KIF21B: variants seen among roughly 807,000 people sequenced by gnomAD.
The protein encoded by KIF21B is kinesin-like protein KIF21B.
Under a neutral mutation model 192.9 loss-of-function variants are expected in KIF21B, and 85 were observed. The observed-to-expected ratio is 0.44, with a 90% CI of 0.37 to 0.53. The LOEUF is 0.53. Ranked by LOEUF, KIF21B falls within the 20% of genes least tolerant of loss-of-function variation. The pLI is 0.00. For synonymous variants in KIF21B, 832 were observed against 884.6 expected, an observed-to-expected ratio of 0.94 and a Z score of 1.05; for missense variants, 1,716 against 2,194.8, an observed-to-expected ratio of 0.78 and a Z score of 4.36.
chr1:201,002,122 C>G lies in KIF21B; in HGVS notation c.1402+39G>C, dbSNP rs751067477. The G allele has an allele frequency of 5.2e-5, 83 of 1,593,532 alleles. 1 individual carries two copies. Among genetic ancestry groups the G allele is most frequent in the Admixed American group, 2.3e-4 (14 of 59,844 alleles). On this transcript the variant is annotated intron_variant, in intron 9 of 34. Coordinates refer to ENST00000461742, the MANE Select transcript of KIF21B (RefSeq NM_001252102.2). The stretch of plus-strand genomic sequence containing the variant: ...GATGTCGGGGGAGGGAGTCCTAGCC[C>G]GTTGGTGCTCTGACCTGGCCTGGCA...
intron 2 of KIF21B, 127 bp downstream of exon 2, chr1:201,009,139 G>T: frequency 8.9e-7 from 1 of 1,127,830 alleles, no homozygotes; most frequent in Non-Finnish European, 1.3e-6. Context: ...CGGTGCAACG[G>T]CCTCCTTAGA....
chr1:201,006,130 G>A (rs1026972015), intron 3 of KIF21B, among the ~76,000 whole-genome samples: 1 of 152,252 alleles, frequency 6.6e-6, no homozygotes, highest in Non-Finnish European at 1.5e-5. Context: ...CTGTGCCCTA[G>A]CCCTGACTGT....
intron 15 of KIF21B, among the ~76,000 whole-genome samples, chr1:200,994,473 G>A (rs1201310590): frequency 1.3e-5 from 2 of 152,214 alleles, no homozygotes; most frequent in Non-Finnish European, 2.9e-5. Context: ...GTTCCTCTCT[G>A]CTTCTAGCTC....
chr1:200,975,292 G>C lies in KIF21B; in HGVS notation c.4614+207C>G, dbSNP rs1655467698. On this transcript the variant is annotated intron_variant, in intron 33 of 34. Transcript: ENST00000461742. This position sits in a 1 kb window ranked among gnomAD's most constrained non-coding sequence, Gnocchi z 4.3. ...TGCTGAGAGCAGGTTGCCTAAGAGG[G>C]AGATGTGGCATCAGGAGAGGCCGCG... is the stretch of plus-strand genomic sequence containing the variant. Among the ~76,000 whole-genome samples the C allele has an allele frequency of 6.6e-6, 1 of 152,224 alleles. No individual in the cohort carries two copies. The highest frequency in any genetic ancestry group is 1.5e-5 in the Non-Finnish European group (1 of 68,036).
intron 3 of KIF21B, among the ~76,000 whole-genome samples, chr1:201,008,031 G>A (rs1016596229): frequency 2.0e-5 from 3 of 152,244 alleles, no homozygotes; most frequent in Non-Finnish European, 4.4e-5. Context: ...GGCAGGGGCT[G>A]GGGTTGGGGA....
intron 27 of KIF21B, among the ~76,000 whole-genome samples, chr1:200,984,412 C>T (rs1240024613): frequency 2.0e-5 from 3 of 152,188 alleles, no homozygotes; most frequent in African/African-American, 7.2e-5. Flanking sequence ...TATAGGTGGA[C>T]CTGAACCTGC....
intron 1 of KIF21B, among the ~76,000 whole-genome samples, chr1:201,022,939 C>T (rs1488899061): frequency 1.3e-5 from 2 of 152,222 alleles, no homozygotes; most frequent in African/African-American, 4.8e-5. Flanking sequence ...ACATAACTAG[C>T]TGACTCGCAT....
chr1:200,990,672 C>A lies in KIF21B; in HGVS notation c.2739G>T (p.Arg913Ser). Residue 913 changes from arginine to serine, a missense_variant, in exon 19 of 35, where the codon AGG becomes AGT. Arg to Ser is a moderately radical substitution (Grantham distance 110). Around this residue, in one of 3 missense-constraint regions of KIF21B, gnomAD observed 1,087 missense variants for 1,316.6 expected, o/e 0.83. Coordinates refer to ENST00000461742, the MANE Select transcript of KIF21B (RefSeq NM_001252102.2). This position sits in a 1 kb window ranked among gnomAD's most constrained non-coding sequence, Gnocchi z 5.4. ...GASQSFSKAA[R>S]LKWQSLERRI... ...GTCGCTCCAGGGACTGCCACTTGAG[C>A]CTTGCCGCCTTACTGAAGCTCTGGC... is the stretch of plus-strand genomic sequence containing the variant. 1.9e-6 allele frequency: 3 copies of A among 1,614,188 alleles called. No homozygotes were observed. The highest frequency in any genetic ancestry group is 2.5e-6 in the Non-Finnish European group (3 of 1,180,030).
At position 200,988,279 on chromosome 1, in the gene KIF21B, C is replaced by G; in HGVS notation, c.3408+17G>C. 2 of 1,613,074 alleles carry G rather than the reference C, an allele frequency of 1.2e-6. No individual in the cohort carries two copies. Among genetic ancestry groups the G allele is most frequent in the South Asian group, 2.2e-5 (2 of 91,038 alleles). ...TGGCCCTGCTGCACCCACTGCCTGA[C>G]TTCCGGCGGGGCTCACCTTGAACTT... On this transcript the variant is annotated intron_variant, in intron 24 of 34. Coordinates refer to ENST00000461742, the MANE Select transcript of KIF21B (RefSeq NM_001252102.2).
intron 3 of KIF21B, among the ~76,000 whole-genome samples, chr1:201,007,039 G>C (rs1296507275): frequency 5.3e-5 from 5 of 95,058 alleles, no homozygotes; most frequent in Admixed American, 1.1e-4. Flanking sequence ...CACAGACACA[G>C]AGACACATAG....
At chr1:201,007,849 A>G (rs1391124609) in intron 3 of KIF21B, among the ~76,000 whole-genome samples, 2 of 151,922 alleles carry the variant, frequency 1.3e-5, no homozygotes, top group African/African-American at 2.4e-5. Context: ...ACATACAGAC[A>G]GATGACACAC....
chr1:200,985,091 G>T, intron 26 of KIF21B, 119 bp from the exon 27 acceptor site: 1 of 589,270 alleles, frequency 1.7e-6, no homozygotes. Flanking sequence ...CTGCTGTGCA[G>T]TATTCTCAGA....
rs1658055756 is a variant in KIF21B, at chr1:201,008,720, C to T, written c.447+49G>A. On this transcript the variant is annotated intron_variant, in intron 3 of 34. Coordinates refer to ENST00000461742, the MANE Select transcript of KIF21B (RefSeq NM_001252102.2). ...GGAGGAAGGCCCGGCTTCCATGGTC[C>T]TGTTGTCCACCAAGCCTCCCACCTG... 7.2e-6 allele frequency: 11 copies of T among 1,517,798 alleles called. No individual in the cohort carries two copies. In the East Asian group the frequency reaches 1.8e-4, roughly 25 times the overall value. 94.0% of individuals were successfully genotyped at this position (1,517,798 alleles called of 1,614,324 possible). A position where few individuals can be genotyped will look rare whatever the true frequency, so the allele number is the denominator to read the frequency against.
At chr1:200,974,970 C>T (rs1390078230) in intron 33 of KIF21B, 57 bp from the exon 34 acceptor site, 2 of 1,540,960 alleles carry the variant, frequency 1.3e-6, no homozygotes, top group Non-Finnish European at 1.8e-6. Flanking sequence ...AGAGAACCTG[C>T]CCCAGGGCCC....
intron 27 of KIF21B, among the ~76,000 whole-genome samples, chr1:200,984,360 C>T (rs1656143688): frequency 6.6e-6 from 1 of 152,214 alleles, no homozygotes; most frequent in Non-Finnish European, 1.5e-5. Flanking sequence ...TTAACATAAA[C>T]CACACCATTA....
chr1:201,016,242 A>C (rs1441075584), intron 1 of KIF21B, among the ~76,000 whole-genome samples: 1 of 152,210 alleles, frequency 6.6e-6, no homozygotes. Flanking sequence ...TTGGAGAAAA[A>C]CGATCCCTTC....
Position 201,000,694 on chromosome 1 carries a change from C to T in KIF21B, c.1466+23G>A. Reference sequence around the variant, plus strand: ...GGCCGAGGCCCCCAGCCCGCGCACACCTGCCGGAGCTCACTCACTCACCGT... The same window carrying T: ...GGCCGAGGCCCCCAGCCCGCGCACATCTGCCGGAGCTCACTCACTCACCGT... On this transcript the variant is annotated intron_variant, in intron 10 of 34. Transcript: ENST00000461742. The surrounding 1 kb of genome is among the most constrained non-coding windows in gnomAD (Gnocchi z 6.0). 6.2e-7 allele frequency: 1 copy of T among 1,614,128 alleles called. No homozygotes were observed. The highest frequency in any genetic ancestry group is 8.5e-7 in the Non-Finnish European group (1 of 1,179,992).
At chr1:201,002,445 G>T in intron 8 of KIF21B, 95 bp from the exon 9 acceptor site, 1 of 1,136,292 alleles carries the variant, frequency 8.8e-7, no homozygotes, top group Non-Finnish European at 1.3e-6. Context: ...CAGCGCCCTG[G>T]CCTTCCCCTG....
chr1:200,987,276 A>ATT (rs952289471), intron 24 of KIF21B, 75 bp from the exon 25 acceptor site: 889 of 1,082,654 alleles, frequency 8.2e-4, no homozygotes, highest in Non-Finnish European at 9.7e-4. Context: ...GGGAAATTCT[A>ATT]TTTTTTTTTT....
Sources: allele counts gnomAD v4.1 joint callset (sites outside exome capture counted in the v4.1 genomes callset), GRCh38; gene constraint gnomAD v4.1.1; regional missense constraint gnomAD v4.1.1; non-coding constraint Gnocchi (gnomAD v3.1); transcripts MANE v1.5; gene names NCBI Gene and HGNC (gene_info 2026-07-23, HGNC 2026-07-21).